The following TYW1B variants were observed in gnomAD, a reference collection of about 807,000 sequenced individuals.
TYW1B encodes the protein S-adenosyl-L-methionine-dependent tRNA 4-demethylwyosine synthase TYW1B.
TYW1B carries 73 observed loss-of-function variants against 86.9 expected under a neutral mutation model. The observed-to-expected ratio is 0.84, with a 90% CI of 0.70 to 1.02. The LOEUF is 1.02. Among genes scored for constraint, TYW1B ranks in the 50% least tolerant of loss-of-function variants. The pLI, the probability that TYW1B is intolerant of heterozygous loss-of-function variation, is 0.00. For synonymous variants in TYW1B, 248 were observed against 292.8 expected (o/e 0.85, Z 1.56); for missense variants, 637 against 827.4 (o/e 0.77, Z 2.82).
chr7:72,806,237 GT>G (rs71517373), intron 5 of TYW1B, among the ~76,000 whole-genome samples: 95,897 of 129,180 alleles, frequency 0.74, 34,902 homozygotes, highest in Middle Eastern at 0.79. Flanking sequence ...GTGTGTGTGG[GT>G]TTTTTTTTTT....
chr7:72,697,199 C>T, intron 10 of TYW1B, among the ~76,000 whole-genome samples: 1 of 152,114 alleles, frequency 6.6e-6, no homozygotes, highest in South Asian at 2.1e-4. Context: ...ATGAACAGTA[C>T]ATTCCAAAGG....
At chr7:72,812,225 C>T (rs1411695348) in intron 3 of TYW1B, among the ~76,000 whole-genome samples, 2 of 151,222 alleles carry the variant, frequency 1.3e-5, no homozygotes, top group African/African-American at 4.9e-5. Context: ...GTTTCATATA[C>T]ACCTTACACA....
intron 11 of TYW1B, among the ~76,000 whole-genome samples, chr7:72,633,115 C>T (rs548084848): frequency 1.2e-3 from 189 of 152,342 alleles, no homozygotes; most frequent in African/African-American, 4.2e-3. Context: ...TTTACAAATG[C>T]CATGCAACAA....
intron 2 of TYW1B, among the ~76,000 whole-genome samples, chr7:72,815,893 A>T (rs1178993593): frequency 6.6e-6 from 1 of 151,978 alleles, no homozygotes; most frequent in Non-Finnish European, 1.5e-5. Context: ...GCCAGGTGTG[A>T]TGGTACACAC....
intron 11 of TYW1B, among the ~76,000 whole-genome samples, chr7:72,630,906 T>C (rs1277782757): frequency 2.0e-4 from 30 of 152,148 alleles, no homozygotes; most frequent in Admixed American, 4.6e-4. Context: ...AAAAATCTTA[T>C]AGAAATTTTA....
rs1275746413 is a variant in TYW1B, at chr7:72,828,166, G to A, written c.-91C>T. 70 of 1,589,532 alleles carry A rather than the reference G, an allele frequency of 4.4e-5. No homozygotes were observed. In the African/African-American group the frequency reaches 7.0e-4, roughly 16 times the overall value. On this transcript the variant is annotated 5_prime_UTR_variant, in exon 1 of 14. Transcript: ENST00000620995. Reference sequence around the variant, plus strand: ...TGCGAGACGCACCGAGCTACCTCGCGGCGTTAGCGCCGTACCGAGTGGCTG... The same window carrying A: ...TGCGAGACGCACCGAGCTACCTCGCAGCGTTAGCGCCGTACCGAGTGGCTG...
chr7:72,593,338 C>T (rs369542842), intron 13 of TYW1B, among the ~76,000 whole-genome samples: 1 of 151,358 alleles, frequency 6.6e-6, no homozygotes, highest in African/African-American at 2.4e-5. Context: ...TTGAAGGGCA[C>T]AATAAGCCAA....
intron 13 of TYW1B, among the ~76,000 whole-genome samples, chr7:72,587,138 C>T (rs1418752347): frequency 6.6e-6 from 1 of 152,096 alleles, no homozygotes; most frequent in Non-Finnish European, 1.5e-5. Context: ...GCTACCGGAC[C>T]TTCTCACAAC....
intron 13 of TYW1B, among the ~76,000 whole-genome samples, chr7:72,580,098 G>A (rs2129567561): frequency 6.6e-6 from 1 of 152,242 alleles, no homozygotes; most frequent in African/African-American, 2.4e-5. Flanking sequence ...ACTTGGGAGG[G>A]GAGGGGGGCC....
intron 11 of TYW1B, among the ~76,000 whole-genome samples, chr7:72,673,296 C>T (rs1482831168): frequency 9.8e-5 from 15 of 152,292 alleles, no homozygotes; most frequent in African/African-American, 3.1e-4. Flanking sequence ...GACATCTGCA[C>T]TCCCATGTTT....
intron 5 of TYW1B, among the ~76,000 whole-genome samples, chr7:72,805,605 C>T (rs1389262689): frequency 3.4e-5 from 5 of 148,544 alleles, no homozygotes; most frequent in East Asian, 4.2e-4. Context: ...CAGAATGAGA[C>T]CCTTTCTCAA....
At chr7:72,597,621 A>G (rs1811568848) in intron 13 of TYW1B, among the ~76,000 whole-genome samples, 1 of 152,092 alleles carries the variant, frequency 6.6e-6, no homozygotes. Context: ...CCTCTGGGCA[A>G]GACAATTAAG....
rs1288570581 is a variant in TYW1B at position 72,673,370 on chromosome 7, T to G, written c.1506+21317A>C. ...ACCTAAGTATCCAATGGCAGATGAA[T>G]GGATAAAGAAAATGTGGTATTTATA... On this transcript the variant is annotated intron_variant, in intron 11 of 13. Coordinates refer to ENST00000620995, the MANE Select transcript of TYW1B (RefSeq NM_001145440.3). 7.9e-5 allele frequency among the ~76,000 whole-genome samples: 12 copies of G among 152,164 alleles called. No individual in the cohort carries two copies. In the East Asian group the frequency reaches 2.3e-3, roughly 29 times the overall value.
At chr7:72,809,852 T>C (rs1366065347) in intron 4 of TYW1B, among the ~76,000 whole-genome samples, 2 of 151,474 alleles carry the variant, frequency 1.3e-5, no homozygotes, top group African/African-American at 4.9e-5. Context: ...ACAAAAAAAT[T>C]AGCCAGGCAT....
intron 13 of TYW1B, among the ~76,000 whole-genome samples, chr7:72,579,799 T>G (rs1306252094): frequency 6.6e-6 from 1 of 152,184 alleles, no homozygotes; most frequent in Admixed American, 6.5e-5. Context: ...TACAGGTACA[T>G]GTCACCATGC....
At chr7:72,619,468 C>T (rs1223396377) in intron 12 of TYW1B, among the ~76,000 whole-genome samples, 11 of 151,432 alleles carry the variant, frequency 7.3e-5, no homozygotes, top group African/African-American at 2.4e-4. Context: ...GGTGAAACCC[C>T]GTCTCTACTA....
intron 9 of TYW1B, among the ~76,000 whole-genome samples, chr7:72,715,504 C>A (rs574236526): frequency 2.0e-5 from 3 of 151,942 alleles, no homozygotes; most frequent in African/African-American, 4.8e-5. Flanking sequence ...GTGAAAGACT[C>A]GGAAAGAGTG....
chr7:72,781,199 G>A (rs1157727126), intron 6 of TYW1B, among the ~76,000 whole-genome samples: 2 of 152,006 alleles, frequency 1.3e-5, no homozygotes, highest in Non-Finnish European at 2.9e-5. Context: ...TGTGCCCAAC[G>A]CGTGATACCA....
intron 11 of TYW1B, among the ~76,000 whole-genome samples, chr7:72,658,704 T>C (rs1393447573): frequency 1.3e-5 from 2 of 152,226 alleles, no homozygotes; most frequent in South Asian, 2.1e-4. Context: ...TCTACATATA[T>C]AAACATAAGA....
Sources: gnomAD v4.1 joint callset for allele counts (sites outside exome capture counted in the v4.1 genomes callset) on GRCh38, gnomAD v4.1.1 for gene constraint, MANE v1.5 for transcripts, NCBI Gene and HGNC (gene_info 2026-07-23, HGNC 2026-07-21) for gene names.